The following GRIN2A variants were observed in gnomAD, a reference collection of about 807,000 sequenced individuals.
GRIN2A encodes the protein glutamate ionotropic receptor NMDA type subunit 2A, also known as glutamate receptor ionotropic, NMDA 2A.
A neutral mutation model predicts 113.4 loss-of-function variants in GRIN2A; 22 were observed. That is an observed-to-expected ratio of 0.19 (90% CI 0.14 to 0.28). GRIN2A has a LOEUF of 0.28. Ranked by LOEUF, GRIN2A falls within the 10% of genes least tolerant of loss-of-function variation. The probability of loss-of-function intolerance (pLI) is 1.00; values close to 1 mark genes in which losing one functional copy is unlikely to be tolerated. For synonymous variants in GRIN2A, 827 were observed against 738.4 expected (o/e 1.12, Z -1.94); for missense variants, 1,502 against 1,887.0 (o/e 0.80, Z 3.78).
intron 2 of GRIN2A, among the ~76,000 whole-genome samples, chr16:10,163,370 C>T (rs1336806135): frequency 6.6e-6 from 1 of 152,176 alleles, no homozygotes; most frequent in Non-Finnish European, 1.5e-5. Context: ...ATGCTCTCAG[C>T]CCTACCTCCC....
chr16:9,960,250 C>G (rs938396321), intron 2 of GRIN2A, among the ~76,000 whole-genome samples: 1 of 152,202 alleles, frequency 6.6e-6, no homozygotes, highest in Non-Finnish European at 1.5e-5. Context: ...GAGTTTATAA[C>G]AACCTAAGTA....
In GRIN2A at chr16:10,055,044, T is replaced by G. The variant is rs1391281484; in HGVS notation, c.415-116493A>C. Among the ~76,000 whole-genome samples the G allele has an allele frequency of 1.6e-4, 4 of 25,784 alleles. No homozygotes were observed. The East Asian group carries it at 3.8e-3, about 25-fold the overall frequency. The allele number at this position is 25,784 out of a possible 152,430, so 16.9% of individuals were successfully genotyped here. A position where few individuals can be genotyped will look rare whatever the true frequency, so the allele number is the denominator to read the frequency against. The stretch of plus-strand genomic sequence containing the variant: ...GCCCAGGCAACAGAGCGAGACTCTA[T>G]CTCAAAAAAAAAAAAAAAAAAAAAA... On this transcript the variant is annotated intron_variant, in intron 2 of 12. Transcript: ENST00000330684.
chr16:9,997,661 C>G (rs764498302), intron 2 of GRIN2A, among the ~76,000 whole-genome samples: 1 of 152,108 alleles, frequency 6.6e-6, no homozygotes, highest in Non-Finnish European at 1.5e-5. Context: ...CTGGCTGTGT[C>G]CCCACCCAAA....
chr16:9,995,424 A>G (rs1041883733), intron 2 of GRIN2A, among the ~76,000 whole-genome samples: 1 of 152,198 alleles, frequency 6.6e-6, no homozygotes, highest in Non-Finnish European at 1.5e-5. Flanking sequence ...CCTCAGGTTT[A>G]ATAAAGACAA....
intron 3 of GRIN2A, among the ~76,000 whole-genome samples, chr16:9,898,679 C>G (rs2043855459): frequency 6.6e-6 from 1 of 152,004 alleles, no homozygotes; most frequent in African/African-American, 2.4e-5. Context: ...CCTTGAACTG[C>G]TTGGGTGTCA....
At chr16:10,056,363 TACA>T (rs762773505) in intron 2 of GRIN2A, among the ~76,000 whole-genome samples, 23 of 152,160 alleles carry the variant, frequency 1.5e-4, no homozygotes, top group Admixed American at 4.6e-4. Flanking sequence ...CTTCTCTTTA[TACA>T]ACAACTCCTT....
rs115101336 is a variant in GRIN2A, at chr16:9,866,151, G to A, written c.1123-16190C>T. On this transcript the variant is annotated intron_variant, in intron 4 of 12. Transcript: ENST00000330684. ...ACCAGTGAGGAAGATAAAATACAAT[G>A]CCCTCTGAATTAATCATACAATAAA... Among the ~76,000 whole-genome samples, 705 of 152,294 alleles carry A rather than the reference G, an allele frequency of 4.6e-3. 3 individuals are homozygous for A. Among genetic ancestry groups the A allele is most frequent in the African/African-American group, 0.016 (676 of 41,558 alleles).
chr16:9,866,414 G>T (rs187324807), intron 4 of GRIN2A, among the ~76,000 whole-genome samples: 4 of 152,262 alleles, frequency 2.6e-5, no homozygotes, highest in African/African-American at 4.8e-5. Flanking sequence ...GAACTAGGAA[G>T]TTGTCCAAAC....
At position 10,111,738 on chromosome 16, in the gene GRIN2A, G is replaced by A. The variant is rs2048618614; in HGVS notation, c.414+68260C>T. 6.5e-5 allele frequency: 99 copies of A among 1,528,348 alleles called. No homozygotes were observed. In the South Asian group the frequency reaches 1.1e-3, roughly 17 times the overall value. The allele number at this position is 1,528,348 out of a possible 1,614,324, so 94.7% of individuals were successfully genotyped here. Reference sequence around the variant, plus strand: ...AACAGGGCTTCATCACGGACCCCGTGGTGCTGAGCCCCTCACACACTGTGG... The same window carrying A: ...AACAGGGCTTCATCACGGACCCCGTAGTGCTGAGCCCCTCACACACTGTGG... On this transcript the variant is annotated intron_variant, in intron 2 of 12. Transcript: ENST00000330684.
At chr16:9,809,421 C>T (rs2042043048) in intron 10 of GRIN2A, among the ~76,000 whole-genome samples, 1 of 151,594 alleles carries the variant, frequency 6.6e-6, no homozygotes, top group Non-Finnish European at 1.5e-5. Flanking sequence ...CAGAGCAAGA[C>T]TCTGTCTCAG....
chr16:9,829,830 G>C (rs190878156), intron 8 of GRIN2A, among the ~76,000 whole-genome samples, 178 bp from the exon 9 acceptor site: 2 of 152,194 alleles, frequency 1.3e-5, no homozygotes, highest in African/African-American at 4.8e-5. Flanking sequence ...TTAAAAATTA[G>C]CATTCTTCTC....
intron 2 of GRIN2A, among the ~76,000 whole-genome samples, chr16:9,953,614 C>T (rs2045233742): frequency 6.6e-6 from 1 of 151,954 alleles, no homozygotes; most frequent in South Asian, 2.1e-4. Context: ...GACAGCTGTG[C>T]ATGGCATCCC....
At chr16:10,163,730 G>C (rs1406269912) in intron 2 of GRIN2A, among the ~76,000 whole-genome samples, 2 of 152,036 alleles carry the variant, frequency 1.3e-5, no homozygotes, top group African/African-American at 2.4e-5. Context: ...TGATTCAGCT[G>C]TGATAATGCT....
intron 4 of GRIN2A, among the ~76,000 whole-genome samples, chr16:9,883,729 G>T (rs2043531914): frequency 6.6e-6 from 1 of 152,236 alleles, no homozygotes; most frequent in South Asian, 2.1e-4. Flanking sequence ...CACGTGTGGT[G>T]CTGTAGGCAA....
chr16:9,830,524 A>G (rs992231163), intron 8 of GRIN2A, among the ~76,000 whole-genome samples: 2 of 151,832 alleles, frequency 1.3e-5, no homozygotes, highest in African/African-American at 2.4e-5. Flanking sequence ...CTAATTTCAT[A>G]GGGAAGGTTT....
chr16:9,987,676 T>C (rs988124323), intron 2 of GRIN2A, among the ~76,000 whole-genome samples: 12 of 152,310 alleles, frequency 7.9e-5, no homozygotes, highest in African/African-American at 2.9e-4. Context: ...CAAAGAAAGA[T>C]GGAGAAGGTC....
At chr16:9,928,616 G>A (rs186673064) in intron 3 of GRIN2A, among the ~76,000 whole-genome samples, 225 of 151,728 alleles carry the variant, frequency 1.5e-3, no homozygotes, top group Non-Finnish European at 2.8e-3. Context: ...TCCATCACTC[G>A]TCACTTACTC....
At position 9,778,182 on chromosome 16, in the gene GRIN2A, C is replaced by T. The variant is rs1185046038; in HGVS notation, c.2357-9093G>A. 2.6e-5 allele frequency among the ~76,000 whole-genome samples: 4 copies of T among 152,326 alleles called. No individual in the cohort carries two copies. In the East Asian group the frequency reaches 5.8e-4, roughly 22 times the overall value. On this transcript the variant is annotated intron_variant, in intron 11 of 12. Transcript: ENST00000330684. ...TAAAAGATTGGACAACTCTATCAAACATCAAACAATACACATGGTCATAAT... is the reference window on the plus strand; with the variant it reads ...TAAAAGATTGGACAACTCTATCAAATATCAAACAATACACATGGTCATAAT...
intron 2 of GRIN2A, among the ~76,000 whole-genome samples, chr16:10,083,814 A>T (rs1024254773): frequency 7.2e-5 from 11 of 152,232 alleles, no homozygotes; most frequent in African/African-American, 2.4e-4. Context: ...AAAAATAGGC[A>T]TTCAGGGCTG....
Sources: allele counts gnomAD v4.1 joint callset (sites outside exome capture counted in the v4.1 genomes callset), GRCh38; gene constraint gnomAD v4.1.1; transcripts MANE v1.5; gene names NCBI Gene and HGNC (gene_info 2026-07-23, HGNC 2026-07-21).